DNAH6: variants seen among roughly 807,000 people sequenced by gnomAD.
DNAH6 encodes dynein axonemal heavy chain 6, also known as axonemal beta dynein heavy chain 6.
Under a neutral mutation model 491.4 loss-of-function variants are expected in DNAH6, and 340 were observed. The ratio of observed to expected loss-of-function variants is 0.69; its 90% CI spans 0.63 to 0.76. DNAH6 has a LOEUF of 0.76. Ranked by LOEUF, DNAH6 falls within the 30% of genes least tolerant of loss-of-function variation. The pLI is 0.00. For synonymous variants in DNAH6, 1,603 were observed against 1,686.1 expected (o/e 0.95, Z 1.21); for missense variants, 4,443 against 4,972.2 (o/e 0.89, Z 3.20).
At chr2:84,478,995 C>G in the DNAH6 span, among the ~76,000 whole-genome samples, 1 of 152,158 alleles carries the variant, frequency 6.6e-6, no homozygotes, top group Non-Finnish European at 1.5e-5. Context: ...GCTACACTAT[C>G]AGCTGTCCCC....
At chr2:84,659,668 A>G (rs867762174) in intron 37 of DNAH6, among the ~76,000 whole-genome samples, 47 of 152,198 alleles carry the variant, frequency 3.1e-4, no homozygotes, top group African/African-American at 1.1e-3. Flanking sequence ...ATTGATATTC[A>G]AAATGTTAAC....
rs147499166 is a variant in DNAH6, at chr2:84,569,188, T to C, written c.1804-4279T>C. Among the ~76,000 whole-genome samples the C allele has an allele frequency of 3.5e-3, 526 of 152,266 alleles. 1 individual carries two copies. Among genetic ancestry groups the C allele is most frequent in the African/African-American group, 0.012 (478 of 41,554 alleles). ...GGTATATCTACACAAAGGAATACTA[T>C]GCAGCTGAATAAATGGATGAAGAAG... is the stretch of plus-strand genomic sequence containing the variant. On this transcript the variant is annotated intron_variant, in intron 11 of 76. Transcript: ENST00000389394.
chr2:84,817,186 C>CAA (rs761715083), intron 76 of DNAH6, among the ~76,000 whole-genome samples: 1,667 of 139,876 alleles, frequency 0.012, 29 homozygotes, highest in African/African-American at 0.042. Context: ...TGTCAGAGAC[C>CAA]AAAAAAAAAA....
At chr2:84,683,412 ATTTTTTTTTTTT>A (rs61217837) in intron 42 of DNAH6, among the ~76,000 whole-genome samples, 2 of 93,920 alleles carry the variant, frequency 2.1e-5, no homozygotes, top group Non-Finnish European at 4.2e-5. Context: ...CACCACTCTT[ATTTTTTTTTTTT>A]TTTTTTTTTT....
Position 84,588,759 on chromosome 2 carries a change from CATTT to C in DNAH6, c.2482-65_2482-62del, listed in dbSNP as rs796807242. The C allele has an allele frequency of 4.7e-6, 6 of 1,267,826 alleles. No homozygotes were observed. In the African/African-American group the frequency reaches 9.3e-5, roughly 20 times the overall value. 78.5% of individuals were successfully genotyped at this position (1,267,826 alleles called of 1,614,324 possible). On this transcript the variant is annotated intron_variant, in intron 15 of 76. Coordinates refer to ENST00000389394, the MANE Select transcript of DNAH6 (RefSeq NM_001370.2). ...ATCTTTTTAAAAATGTTTATTAATT[CATTT>C]AATTTAATTGGTCTTTATCAAAAAG...
chr2:84,789,845 C>T (rs1261979522), intron 68 of DNAH6, among the ~76,000 whole-genome samples: 2 of 152,070 alleles, frequency 1.3e-5, no homozygotes, highest in East Asian at 1.9e-4. Flanking sequence ...CCTAATTTGG[C>T]TCCCTCTGAC....
intron 2 of DNAH6, among the ~76,000 whole-genome samples, chr2:84,523,547 G>A (rs1019737498): frequency 1.3e-5 from 2 of 151,892 alleles, no homozygotes; most frequent in African/African-American, 4.8e-5. Flanking sequence ...TGTGATTGGA[G>A]GTTGTTAATT....
At chr2:84,707,775 G>A (rs1696622783) in intron 54 of DNAH6, 59 bp downstream of exon 54, 1 of 1,389,222 alleles carries the variant, frequency 7.2e-7, no homozygotes, top group Non-Finnish European at 9.8e-7. Context: ...GGAGCCAGGG[G>A]TGGTTCATTT....
intron 59 of DNAH6, among the ~76,000 whole-genome samples, chr2:84,720,608 T>G (rs1698047615): frequency 6.6e-6 from 1 of 152,068 alleles, no homozygotes; most frequent in East Asian, 1.9e-4. Context: ...TCTTAAGCCT[T>G]TGAGGAGGAT....
At chr2:84,471,251 A>G in the DNAH6 span, among the ~76,000 whole-genome samples, 1 of 152,220 alleles carries the variant, frequency 6.6e-6, no homozygotes, top group Non-Finnish European at 1.5e-5. Flanking sequence ...TATTACTAGC[A>G]TAAAATGTGG....
At chr2:84,781,274 G>A (rs1292444840) in intron 64 of DNAH6, among the ~76,000 whole-genome samples, 2 of 152,122 alleles carry the variant, frequency 1.3e-5, no homozygotes, top group African/African-American at 2.4e-5. Flanking sequence ...GTGATCATTT[G>A]TAGAGCTGTA....
chr2:84,765,426 A>G (rs1156673020), intron 64 of DNAH6, among the ~76,000 whole-genome samples: 2 of 152,140 alleles, frequency 1.3e-5, no homozygotes, highest in African/African-American at 4.8e-5. Flanking sequence ...CAAGATGACA[A>G]TTAGAAAATT....
intron 63 of DNAH6, among the ~76,000 whole-genome samples, chr2:84,751,917 A>G (rs1673509920): frequency 6.6e-6 from 1 of 152,236 alleles, no homozygotes; most frequent in African/African-American, 2.4e-5. Context: ...ATACTTTGAG[A>G]ACCACTGTTT....
chr2:84,778,782 C>T (rs1676396255), intron 64 of DNAH6, among the ~76,000 whole-genome samples: 1 of 152,186 alleles, frequency 6.6e-6, no homozygotes, highest in Non-Finnish European at 1.5e-5. Flanking sequence ...AGGCACTGCA[C>T]CCAGACACAC....
Position 84,619,996 on chromosome 2 carries a change from T to C in DNAH6, c.3792+92T>C. Reference sequence around the variant, plus strand: ...CTAAGCATACAGGTACTCTGTTGGCTCAGCAGTTTCAAGGATAACCAAGAT... The same window carrying C: ...CTAAGCATACAGGTACTCTGTTGGCCCAGCAGTTTCAAGGATAACCAAGAT... On this transcript the variant is annotated intron_variant, in intron 24 of 76. Transcript: ENST00000389394. 3.6e-6 allele frequency: 4 copies of C among 1,115,276 alleles called. No individual in the cohort carries two copies. In the South Asian group the frequency reaches 6.5e-5, roughly 18 times the overall value. The allele number at this position is 1,115,276 out of a possible 1,614,324, so 69.1% of individuals were successfully genotyped here. A position where few individuals can be genotyped will look rare whatever the true frequency, so the allele number is the denominator to read the frequency against.
the DNAH6 span, among the ~76,000 whole-genome samples, chr2:84,476,962 G>A: frequency 4.7e-3 from 717 of 152,278 alleles, 12 homozygotes; most frequent in East Asian, 0.069. Flanking sequence ...CTTTGACGGC[G>A]CATCCTCCAC....
At chr2:84,513,856 A>G (rs559076718), upstream of DNAH6, among the ~76,000 whole-genome samples, 4 of 152,180 alleles carry the variant, frequency 2.6e-5, no homozygotes, top group African/African-American at 9.6e-5. Context: ...GGGGGAGACT[A>G]TTATATTTTT....
At chr2:84,740,593 C>T (rs1412669044) in intron 62 of DNAH6, among the ~76,000 whole-genome samples, 2 of 152,144 alleles carry the variant, frequency 1.3e-5, no homozygotes, top group African/African-American at 2.4e-5. Flanking sequence ...TGCACTCTCC[C>T]CTCCTTTAGG....
intron 39 of DNAH6, among the ~76,000 whole-genome samples, chr2:84,671,257 G>T (rs575174277): frequency 6.6e-6 from 1 of 152,248 alleles, no homozygotes; most frequent in East Asian, 1.9e-4. Context: ...TTTCAGGAGT[G>T]GGCTCTTGTA....
Sources: allele counts gnomAD v4.1 joint callset (sites outside exome capture counted in the v4.1 genomes callset), GRCh38; gene constraint gnomAD v4.1.1; transcripts MANE v1.5; gene names NCBI Gene and HGNC (gene_info 2026-07-23, HGNC 2026-07-21).